CARMIL1: variants seen among roughly 807,000 people sequenced by gnomAD.
CARMIL1 encodes F-actin-uncapping protein LRRC16A.
Under a neutral mutation model 177.1 loss-of-function variants are expected in CARMIL1, and 90 were observed. The observed-to-expected ratio is 0.51, with a 90% CI of 0.43 to 0.61. CARMIL1 has a LOEUF of 0.61. CARMIL1 is among the 20% of genes least tolerant of loss of function. The probability of loss-of-function intolerance (pLI) is 0.00; values close to 1 mark genes in which losing one functional copy is unlikely to be tolerated. For synonymous variants in CARMIL1, 577 were observed against 606.2 expected (o/e 0.95, Z 0.71); for missense variants, 1,380 against 1,667.0 (o/e 0.83, Z 3.00).
At chr6:25,343,974 C>T (rs545217122) in intron 2 of CARMIL1, among the ~76,000 whole-genome samples, 1 of 152,286 alleles carries the variant, frequency 6.6e-6, no homozygotes, top group East Asian at 1.9e-4. Flanking sequence ...CACTTTGCCT[C>T]CTTGTCACTA....
intron 2 of CARMIL1, among the ~76,000 whole-genome samples, chr6:25,359,463 G>T (rs1303712065): frequency 6.6e-6 from 1 of 152,184 alleles, no homozygotes; most frequent in Non-Finnish European, 1.5e-5. Flanking sequence ...TGTTAAGCTG[G>T]TACAGGGCTC....
intron 28 of CARMIL1, among the ~76,000 whole-genome samples, chr6:25,555,452 G>A (rs1810519337): frequency 6.6e-6 from 1 of 152,116 alleles, no homozygotes; most frequent in Non-Finnish European, 1.5e-5. Context: ...TCAGGCCAGA[G>A]TGCAGTGGTG....
chr6:25,537,559 A>T (rs1808427192), intron 24 of CARMIL1, among the ~76,000 whole-genome samples: 1 of 152,206 alleles, frequency 6.6e-6, no homozygotes, highest in Admixed American at 6.5e-5. Context: ...AATCATCAAG[A>T]AGTGTTCACT....
At chr6:25,576,710 C>T (rs1218063389) in intron 29 of CARMIL1, among the ~76,000 whole-genome samples, 1 of 152,138 alleles carries the variant, frequency 6.6e-6, no homozygotes, top group African/African-American at 2.4e-5. Context: ...TAGCAAGAGA[C>T]ATAATATCTG....
intron 29 of CARMIL1, among the ~76,000 whole-genome samples, chr6:25,570,378 TTTGC>T (rs1238778928): frequency 1.3e-5 from 2 of 152,228 alleles, no homozygotes; most frequent in Non-Finnish European, 2.9e-5. Context: ...TGGCAAGATA[TTTGC>T]TTGAAATCAG....
intron 9 of CARMIL1, among the ~76,000 whole-genome samples, chr6:25,467,848 C>G (rs1047868459): frequency 6.6e-6 from 1 of 152,130 alleles, no homozygotes; most frequent in Non-Finnish European, 1.5e-5. Flanking sequence ...TATTACTCTA[C>G]AGGTCTTCAA....
rs1015990569 is a variant in CARMIL1, at chr6:25,577,189, G to A, written c.2743-3735G>A. On this transcript the variant is annotated intron_variant, in intron 29 of 36. Coordinates refer to ENST00000329474, the MANE Select transcript of CARMIL1 (RefSeq NM_017640.6). This position sits in a 1 kb window ranked among gnomAD's most constrained non-coding sequence, Gnocchi z 4.5. ...AGATGGTTCAGCTAGCAAAACAGGC[G>A]ATGAATTTAAAATATCTCCAGCCAT... is the stretch of plus-strand genomic sequence containing the variant. The A allele has an allele frequency of 2.2e-6, 2 of 905,492 alleles. No individual in the cohort carries two copies. Among genetic ancestry groups the A allele is most frequent in the Admixed American group, 6.2e-5 (1 of 16,132 alleles). The allele number at this position is 905,492 out of a possible 1,614,324, so 56.1% of individuals were successfully genotyped here.
At chr6:25,423,563 C>G (rs2150709880) in intron 3 of CARMIL1, among the ~76,000 whole-genome samples, 1 of 152,234 alleles carries the variant, frequency 6.6e-6, no homozygotes, top group Middle Eastern at 3.4e-3. Context: ...GGGAGGGAAA[C>G]AGCTCAGAAA....
chr6:25,557,334 C>G (rs1810714470), intron 29 of CARMIL1, among the ~76,000 whole-genome samples: 1 of 152,106 alleles, frequency 6.6e-6, no homozygotes, highest in South Asian at 2.1e-4. Context: ...ATGGAATGCA[C>G]ACTATAATGT....
intron 5 of CARMIL1, among the ~76,000 whole-genome samples, chr6:25,439,861 G>A (rs1336344392): frequency 6.6e-6 from 1 of 152,178 alleles, no homozygotes; most frequent in African/African-American, 2.4e-5. Flanking sequence ...AAAAGCATAT[G>A]CTTAAACCAT....
chr6:25,478,954 C>CTT (rs1486069997), intron 11 of CARMIL1, among the ~76,000 whole-genome samples: 1 of 152,100 alleles, frequency 6.6e-6, no homozygotes, highest in African/African-American at 2.4e-5. Flanking sequence ...TTGTATTTTG[C>CTT]TTTTTCACTT....
chr6:25,600,644 C>T lies in CARMIL1; in HGVS notation c.3450C>T (p.Ser1150=). 1.2e-6 allele frequency: 2 copies of T among 1,613,644 alleles called. No individual in the cohort carries two copies. The highest frequency in any genetic ancestry group is 1.7e-6 in the Non-Finnish European group (2 of 1,179,736). ...IGKVERSDSK[S]SPQAGRRYGV... is the part of the protein sequence containing the mutation. ...AGGTGGAACGGAGTGACAGCAAGAGCAGCCCACAGGCAGGGCGGAGGTATG... is the reference window on the plus strand; with the variant it reads ...AGGTGGAACGGAGTGACAGCAAGAGTAGCCCACAGGCAGGGCGGAGGTATG... Residue 1150 remains serine, a synonymous_variant, in exon 33 of 37, where the codon AGC becomes AGT. Coordinates refer to ENST00000329474, the MANE Select transcript of CARMIL1 (RefSeq NM_017640.6).
intron 20 of CARMIL1, among the ~76,000 whole-genome samples, chr6:25,513,596 C>T (rs1261614518): frequency 2.0e-5 from 3 of 152,168 alleles, no homozygotes; most frequent in Non-Finnish European, 4.4e-5. Context: ...AGTCTTGAAA[C>T]CATCAACACC....
At chr6:25,543,381 G>GT (rs1809105788) in intron 26 of CARMIL1, among the ~76,000 whole-genome samples, 1 of 152,168 alleles carries the variant, frequency 6.6e-6, no homozygotes, top group Non-Finnish European at 1.5e-5. Flanking sequence ...GAGAAAAGCA[G>GT]TAAGTCTGGA....
chr6:25,404,839 T>C (rs1794224455), intron 2 of CARMIL1, among the ~76,000 whole-genome samples: 1 of 133,380 alleles, frequency 7.5e-6, no homozygotes. Flanking sequence ...ACCCGGCCTG[T>C]TTCTGGCAAA....
chr6:25,597,239 T>C (rs1328984320), intron 32 of CARMIL1, among the ~76,000 whole-genome samples: 1 of 152,084 alleles, frequency 6.6e-6, no homozygotes, highest in African/African-American at 2.4e-5. Flanking sequence ...GTCTCAGTAA[T>C]TGATTTTAAT....
At chr6:25,609,818 A>T (rs547994627) in intron 35 of CARMIL1, among the ~76,000 whole-genome samples, 117 of 152,332 alleles carry the variant, frequency 7.7e-4, no homozygotes, top group Non-Finnish European at 1.4e-3. Flanking sequence ...GATCTACAGG[A>T]TAGATTCATA....
At chr6:25,494,771 C>G (rs1803537022) in intron 15 of CARMIL1, among the ~76,000 whole-genome samples, 1 of 152,146 alleles carries the variant, frequency 6.6e-6, no homozygotes. Flanking sequence ...AGTGGGAAAG[C>G]CTTTAAATTG....
chr6:25,538,982 C>G (rs1301281923), intron 25 of CARMIL1, among the ~76,000 whole-genome samples: 1 of 151,986 alleles, frequency 6.6e-6, no homozygotes, highest in Non-Finnish European at 1.5e-5. Flanking sequence ...AACTCATCAA[C>G]GTGCTGGGAG....
Sources: gnomAD v4.1 joint callset for allele counts (sites outside exome capture counted in the v4.1 genomes callset) on GRCh38, gnomAD v4.1.1 for gene constraint, Gnocchi (gnomAD v3.1) non-coding constraint, MANE v1.5 for transcripts, NCBI Gene and HGNC (gene_info 2026-07-23, HGNC 2026-07-21) for gene names.